The following CNTROB variants were observed in gnomAD, a reference collection of about 807,000 sequenced individuals.
CNTROB encodes the protein centrobin.
CNTROB carries 82 observed loss-of-function variants against 115.7 expected under a neutral mutation model. The ratio of observed to expected loss-of-function variants is 0.71; its 90% confidence interval spans 0.59 to 0.85. The LOEUF (loss-of-function observed/expected upper bound fraction) is 0.85, where lower values mean the gene tolerates loss of function less well. Among genes scored for constraint, CNTROB ranks in the 40% least tolerant of loss-of-function variants. The pLI is 0.00. For missense variants in CNTROB, 1,014 were observed against 1,144.4 expected, an observed-to-expected ratio of 0.89 and a Z score of 1.64; for synonymous variants, 439 against 456.4, an observed-to-expected ratio of 0.96 and a Z score of 0.49.
Position 7,932,376 on chromosome 17 carries a change from C to T in CNTROB, c.-704C>T, listed in dbSNP as rs1461195029. 6.1e-6 allele frequency: 1 copy of T among 162,924 alleles called. No individual in the cohort carries two copies. The highest frequency in any genetic ancestry group is 1.3e-5 in the Non-Finnish European group (1 of 74,268). The allele number at this position is 162,924 out of a possible 1,614,324, so 10.1% of individuals were successfully genotyped here. A position where few individuals can be genotyped will look rare whatever the true frequency, so the allele number is the denominator to read the frequency against. ...GGTCGTCGGGGCAGAGGATCTCGGG[C>T]TAGGCTTGAGGGCGGCGTGCTTCTT... On this transcript the variant is annotated 5_prime_UTR_variant, in exon 1 of 19. Coordinates refer to ENST00000563694, the MANE Select transcript of CNTROB (RefSeq NM_053051.5).
In CNTROB at chr17:7,949,871, C is replaced by G. The variant is rs902647908; in HGVS notation, c.*361C>G. ...TACGTTTCTGTATTTTCCAAATTTTCTAAAACAAGTATATGTTACTTTAAT... is the reference window on the plus strand; with the variant it reads ...TACGTTTCTGTATTTTCCAAATTTTGTAAAACAAGTATATGTTACTTTAAT... On this transcript the variant is annotated 3_prime_UTR_variant, in exon 19 of 19. Coordinates refer to ENST00000563694, the MANE Select transcript of CNTROB (RefSeq NM_053051.5). 1 of 178,282 alleles carries G rather than the reference C, an allele frequency of 5.6e-6. No homozygotes were observed. Among genetic ancestry groups the G allele is most frequent in the Non-Finnish European group, 1.2e-5 (1 of 85,986 alleles). The allele number at this position is 178,282 out of a possible 1,614,324, so 11.0% of individuals were successfully genotyped here.
In CNTROB at chr17:7,949,471, C is replaced by T. The variant is rs1460327401; in HGVS notation, c.2673C>T (p.Ala891=). ...PPARKKSGHP[A]PSSMRSRGGV... Reference sequence around the variant, plus strand: ...CACGGAAGAAAAGTGGGCACCCTGCCCCGAGTAGCATGAGGAGCCGGGGGG... The same window carrying T: ...CACGGAAGAAAAGTGGGCACCCTGCTCCGAGTAGCATGAGGAGCCGGGGGG... The change falls in exon 19 of 19, where the codon GCC becomes GCT. Residue 891 remains alanine, a synonymous_variant. Transcript: ENST00000563694. 1.9e-6 allele frequency: 3 copies of T among 1,614,182 alleles called. No homozygotes were observed. The Admixed American group carries it at 5.0e-5, about 27-fold the overall frequency.
chr17:7,945,398 AC>A lies in CNTROB; in HGVS notation c.1735-329del, dbSNP rs1318918237. 9.2e-5 allele frequency: 15 copies of A among 162,560 alleles called. No homozygotes were observed. In the Admixed American group the frequency reaches 9.6e-4, roughly 10 times the overall value. The allele number at this position is 162,560 out of a possible 1,614,324, so 10.1% of individuals were successfully genotyped here. On this transcript the variant is annotated intron_variant, in intron 12 of 18. Coordinates refer to ENST00000563694, the MANE Select transcript of CNTROB (RefSeq NM_053051.5). Reference sequence around the variant, plus strand: ...TAATTTTAATTTTATTTATTTATATACTTATCATTTATTTATTTGAGACAAG... The same window carrying A: ...TAATTTTAATTTTATTTATTTATATATTATCATTTATTTATTTGAGACAAG...
chr17:7,948,275 T>C lies in CNTROB; in HGVS notation c.2328T>C (p.Pro776=). The C allele has an allele frequency of 6.2e-7, 1 of 1,614,096 alleles. No individual in the cohort carries two copies. Among genetic ancestry groups the C allele is most frequent in the South Asian group, 1.1e-5 (1 of 91,074 alleles). The change falls in exon 16 of 19, where the codon CCT becomes CCC. Residue 776 remains proline, a synonymous_variant. Coordinates refer to ENST00000563694, the MANE Select transcript of CNTROB (RefSeq NM_053051.5). The surrounding 1 kb of genome is among the most constrained non-coding windows in gnomAD (Gnocchi z 4.4). ...CCAGTCTTTTCCGGGTCCCTGAGCC[T>C]CCCTCCTCCCATTCACAAGGCAGTG... The part of the protein sequence containing the change: ...MASSLFRVPE[P]PSSHSQGSGP...
upstream of CNTROB, chr17:7,932,126 A>T (rs879830479): frequency 1.6e-4 from 77 of 479,406 alleles, no homozygotes; most frequent in Admixed American, 2.9e-4. Context: ...GGCGCTCGGG[A>T]TACAGAAGTG....
In CNTROB at chr17:7,934,452, T is replaced by C; in HGVS notation, c.356-13T>C. ...CCTGACTCTGGCTTTGGGGTCCCTC[T>C]GGCTGCCTGCAGGGGATCCTCTCAT... On this transcript the variant is annotated splice_polypyrimidine_tract_variant and intron_variant, in intron 2 of 18. Coordinates refer to ENST00000563694, the MANE Select transcript of CNTROB (RefSeq NM_053051.5). 6.2e-7 allele frequency: 1 copy of C among 1,613,900 alleles called. No homozygotes were observed.
chr17:7,933,000 C>G lies in CNTROB; in HGVS notation c.-80C>G. 6.9e-7 allele frequency: 1 copy of G among 1,458,516 alleles called. No homozygotes were observed. Among genetic ancestry groups the G allele is most frequent in the Non-Finnish European group, 9.3e-7 (1 of 1,075,640 alleles). 90.3% of individuals were successfully genotyped at this position (1,458,516 alleles called of 1,614,324 possible). On this transcript the variant is annotated 5_prime_UTR_variant, in exon 1 of 19. Coordinates refer to ENST00000563694, the MANE Select transcript of CNTROB (RefSeq NM_053051.5). Reference sequence around the variant, plus strand: ...TCCTCCCTTCTCCCAAGTCTTTCTCCGTGAACTTTTCCTCCTGGACTTTGC... The same window carrying G: ...TCCTCCCTTCTCCCAAGTCTTTCTCGGTGAACTTTTCCTCCTGGACTTTGC...
Position 7,939,931 on chromosome 17 carries a change from C to T in CNTROB, c.1165-165C>T, listed in dbSNP as rs11653910. On this transcript the variant is annotated intron_variant, in intron 8 of 18. Coordinates refer to ENST00000563694, the MANE Select transcript of CNTROB (RefSeq NM_053051.5). This position sits in a 1 kb window ranked among gnomAD's most constrained non-coding sequence, Gnocchi z 4.4. ...CAGGAAGGGCTGGGGGTAATGAATA[C>T]GTGAAAGGCCAAAGACTGAAATTCA... Among the ~76,000 whole-genome samples the T allele has an allele frequency of 1.3e-5, 2 of 151,826 alleles. No homozygotes were observed. The highest frequency in any genetic ancestry group is 2.4e-5 in the African/African-American group (1 of 41,296).
chr17:7,947,464 C>A (rs1193165845), intron 13 of CNTROB, 107 bp from the exon 14 acceptor site: 1 of 1,087,608 alleles, frequency 9.2e-7, no homozygotes, highest in Non-Finnish European at 1.3e-6. Flanking sequence ...TGTTCCTCTT[C>A]CATTTAATAG....
rs1405747352 is a variant in CNTROB, at chr17:7,932,570, G to C, written c.-510G>C. ...CCCTGGGTAGAACGGGTGAAGGGAT[G>C]GGGGAGCGTGAGGTTCCGCCCTCTC... On this transcript the variant is annotated 5_prime_UTR_variant, in exon 1 of 19. An upstream start codon of the reference 5' UTR is lost. Coordinates refer to ENST00000563694, the MANE Select transcript of CNTROB (RefSeq NM_053051.5). The C allele has an allele frequency of 6.3e-6, 1 of 159,744 alleles. No individual in the cohort carries two copies. The highest frequency in any genetic ancestry group is 1.9e-4 in the East Asian group (1 of 5,284). The allele number at this position is 159,744 out of a possible 1,614,324, so 9.9% of individuals were successfully genotyped here.
rs1263999588 is a variant in CNTROB, at chr17:7,948,513, C to T, written c.2407C>T (p.Gln803Ter). 4 of 1,614,090 alleles carry T rather than the reference C, an allele frequency of 2.5e-6. No individual in the cohort carries two copies. The Admixed American group carries it at 5.0e-5, about 20-fold the overall frequency. ...TGGAGATGGGCTTACATTCCCAAGG[C>T]AGCTGATGGAGGTGTCTCAACTGTT... ...RGGDGLTFPR[Q>*]LMEVSQLLRL... Residue 803 changes from glutamine (Q) to a stop codon, truncating the protein, a stop_gained, in exon 17 of 19, where the codon CAG (glutamine) becomes TAG (stop). Transcript: ENST00000563694. LOFTEE classifies it high-confidence loss of function. The surrounding 1 kb of genome is among the most constrained non-coding windows in gnomAD (Gnocchi z 4.4).
rs530637849 is a variant in CNTROB, at chr17:7,949,444, C to T, written c.2646C>T (p.Pro882=). 758 of 1,614,010 alleles carry T rather than the reference C, an allele frequency of 4.7e-4. No homozygotes were observed. The highest frequency in any genetic ancestry group is 6.0e-4 in the Non-Finnish European group (708 of 1,180,028). ...LATAPKTEKP[P]ARKKSGHPAP... ...CAGCCCCCAAGACTGAAAAACCTCC[C>T]GCACGGAAGAAAAGTGGGCACCCTG... The change falls in exon 19 of 19, where the codon CCC becomes CCT. Residue 882 remains proline, a synonymous_variant. Coordinates refer to ENST00000563694, the MANE Select transcript of CNTROB (RefSeq NM_053051.5).
intron 9 of CNTROB, among the ~76,000 whole-genome samples, chr17:7,941,062 G>A (rs1973796365): frequency 6.6e-6 from 1 of 152,190 alleles, no homozygotes; most frequent in Admixed American, 6.5e-5. Flanking sequence ...GGAAAGGATT[G>A]GAGAGAGCTG....
At chr17:7,941,323 G>T (rs1163887559) in intron 9 of CNTROB, among the ~76,000 whole-genome samples, 2 of 152,164 alleles carry the variant, frequency 1.3e-5, no homozygotes. Context: ...CCTTTGGCCC[G>T]GTATGGTGGC....
chr17:7,949,397 G>A lies in CNTROB; in HGVS notation c.2599G>A (p.Ala867Thr), dbSNP rs759843233. The stretch of plus-strand genomic sequence containing the variant: ...CCTCAACTCTCAGATTCCCTCCCAG[G>A]CTGTCCCTCGCCGCCTTGCTACAGC... ...EIPRKEIPSQAVPRRLATAPK... is the reference protein window; with the variant it reads ...EIPRKEIPSQTVPRRLATAPK... The change falls in exon 19 of 19, where the codon GCT becomes ACT. Residue 867 changes from alanine (A) to threonine (T), a missense_variant. Physicochemically the swap from Ala to Thr is moderately conservative, Grantham distance 58. Coordinates refer to ENST00000563694, the MANE Select transcript of CNTROB (RefSeq NM_053051.5). 7 of 1,613,992 alleles carry A rather than the reference G, an allele frequency of 4.3e-6. No individual in the cohort carries two copies. In the South Asian group the frequency reaches 7.7e-5, roughly 18 times the overall value.
At position 7,948,626 on chromosome 17, in the gene CNTROB, GC is replaced by G. The variant is rs1974846062; in HGVS notation, c.2513+9del. On this transcript the variant is annotated splice_region_variant and intron_variant, in intron 17 of 18. Transcript: ENST00000563694. The surrounding 1 kb of genome is among the most constrained non-coding windows in gnomAD (Gnocchi z 4.4). ...AGAGGCTGGAACACAGCGGGTACAAGCCTGGGAGGAAGGAGGAAGGATTCTC... is the reference window on the plus strand; with the variant it reads ...AGAGGCTGGAACACAGCGGGTACAAGCTGGGAGGAAGGAGGAAGGATTCTC... The G allele has an allele frequency of 6.2e-7, 1 of 1,614,044 alleles. No individual in the cohort carries two copies. The highest frequency in any genetic ancestry group is 8.5e-7 in the Non-Finnish European group (1 of 1,180,040).
At position 7,948,709 on chromosome 17, in the gene CNTROB, C is replaced by T. The variant is rs1555630478; in HGVS notation, c.2513+90C>T. The T allele has an allele frequency of 7.4e-6, 12 of 1,612,176 alleles. No homozygotes were observed. The Admixed American group carries it at 1.8e-4, about 25-fold the overall frequency. On this transcript the variant is annotated intron_variant, in intron 17 of 18. Transcript: ENST00000563694. The surrounding 1 kb of genome is among the most constrained non-coding windows in gnomAD (Gnocchi z 4.4). Reference sequence around the variant, plus strand: ...GGGTGTGTTTTACACTGAATTGAATCGTTGTCCTTTTCTGGGGAGGAAAGT... The same window carrying T: ...GGGTGTGTTTTACACTGAATTGAATTGTTGTCCTTTTCTGGGGAGGAAAGT...
chr17:7,936,765 G>T lies in CNTROB; in HGVS notation c.776G>T (p.Gly259Val), dbSNP rs769245057. The T allele has an allele frequency of 2.5e-6, 4 of 1,569,776 alleles. No homozygotes were observed. In the Admixed American group the frequency reaches 5.0e-5, roughly 20 times the overall value. Residue 259 changes from glycine to valine, a missense_variant, in exon 6 of 19, where the codon GGA (glycine) becomes GTA (valine). Transcript: ENST00000563694. ...HEAERTEVLR[G>V]LQEEHQAAEL... ...GCTGAGCGGACAGAGGTTCTCAGGG[G>T]ACTTCAAGAGGAACACCAGGCAGCA...
chr17:7,933,188 C>G lies in CNTROB; in HGVS notation c.109C>G (p.Gln37Glu). The change falls in exon 1 of 19, where the codon CAG becomes GAG. Residue 37 changes from glutamine to glutamate, a missense_variant. Gln to Glu is a conservative substitution (Grantham distance 29). Coordinates refer to ENST00000563694, the MANE Select transcript of CNTROB (RefSeq NM_053051.5). The part of the protein sequence containing the change: ...LNQVSSEVTS[Q>E]LYASLRLSRQ... ...CCAAGTGTCGTCTGAAGTGACCTCC[C>G]AGCTCTATGCTTCTTTGCGCCTCAG... is the stretch of plus-strand genomic sequence containing the variant. 2 of 1,614,254 alleles carry G rather than the reference C, an allele frequency of 1.2e-6. No individual in the cohort carries two copies. The highest frequency in any genetic ancestry group is 1.7e-6 in the Non-Finnish European group (2 of 1,180,046).
Sources: gnomAD v4.1 joint callset for allele counts (sites outside exome capture counted in the v4.1 genomes callset) on GRCh38, gnomAD v4.1.1 for gene constraint, Gnocchi (gnomAD v3.1) non-coding constraint, MANE v1.5 for transcripts, NCBI Gene and HGNC (gene_info 2026-07-23, HGNC 2026-07-21) for gene names.